UBAP2L: variants seen among roughly 807,000 people sequenced by gnomAD.
UBAP2L encodes ubiquitin associated protein 2 like, also known as ubiquitin-associated protein 2-like.
UBAP2L carries 12 observed loss-of-function variants against 130.6 expected under a neutral mutation model. The observed-to-expected ratio is 0.09, with a 90% CI of 0.06 to 0.15. The LOEUF is 0.15. Among genes scored for constraint, UBAP2L ranks in the 10% least tolerant of loss-of-function variants. The pLI, the probability that UBAP2L is intolerant of heterozygous loss-of-function variation, is 1.00. For missense variants in UBAP2L, 965 were observed against 1,332.5 expected (o/e 0.72, Z 4.29); for synonymous variants, 503 against 524.7 (o/e 0.96, Z 0.57).
chr1:154,245,462 C>G (rs1176758808), intron 10 of UBAP2L, among the ~76,000 whole-genome samples: 1 of 152,162 alleles, frequency 6.6e-6, no homozygotes, highest in African/African-American at 2.4e-5. Flanking sequence ...GAAAAAATAT[C>G]TCTCAGACTG....
At chr1:154,224,707 G>A (rs1357263478) in intron 1 of UBAP2L, among the ~76,000 whole-genome samples, 1 of 152,136 alleles carries the variant, frequency 6.6e-6, no homozygotes, top group African/African-American at 2.4e-5. Flanking sequence ...CTTCCTGGAA[G>A]GTTTTTGTTT....
At position 154,260,853 on chromosome 1, in the gene UBAP2L, G is replaced by T. The variant is rs375686726; in HGVS notation, c.2579-39G>T. On this transcript the variant is annotated intron_variant, in intron 22 of 26. Coordinates refer to ENST00000428931, the MANE Select transcript of UBAP2L (RefSeq NM_014847.4). Reference sequence around the variant, plus strand: ...AGAGGTAATTCTGTATTGGTATTGGGGTGAAAGAGGCAGGTACATTTAGCT... The same window carrying T: ...AGAGGTAATTCTGTATTGGTATTGGTGTGAAAGAGGCAGGTACATTTAGCT... 1.9e-6 allele frequency: 3 copies of T among 1,590,818 alleles called. No homozygotes were observed. In the African/African-American group the frequency reaches 4.0e-5, roughly 21 times the overall value.
At chr1:154,225,550 G>A (rs1667635056) in intron 2 of UBAP2L, among the ~76,000 whole-genome samples, 1 of 151,624 alleles carries the variant, frequency 6.6e-6, no homozygotes, top group Non-Finnish European at 1.5e-5. Context: ...TTCATTTGTA[G>A]CCTCAACCTC....
chr1:154,220,489 G>GCCTGGGTCC (rs1318061216), upstream of UBAP2L: 1 of 1,528,744 alleles, frequency 6.5e-7, no homozygotes, highest in Non-Finnish European at 9.1e-7. Context: ...AAGCGACGGC[G>GCCTGGGTCC]CCTGGGTCCC....
intron 10 of UBAP2L, 38 bp from the exon 11 acceptor site, chr1:154,246,165 CA>C: frequency 2.0e-6 from 1 of 489,610 alleles, no homozygotes; most frequent in Middle Eastern, 8.1e-4. Context: ...TTAGCGTGTT[CA>C]GTCATTCTTC....
intron 3 of UBAP2L, among the ~76,000 whole-genome samples, chr1:154,227,744 C>T (rs1319723132): frequency 1.3e-5 from 2 of 151,830 alleles, no homozygotes; most frequent in African/African-American, 2.4e-5. Context: ...GATGGGGTTT[C>T]ACCATGTTGG....
Position 154,251,188 on chromosome 1 carries a change from C to A in UBAP2L, c.1361C>A (p.Ser454Tyr), listed in dbSNP as rs780876809. The A allele has an allele frequency of 1.9e-6, 3 of 1,614,058 alleles. No homozygotes were observed. Among genetic ancestry groups the A allele is most frequent in the Non-Finnish European group, 2.5e-6 (3 of 1,180,040 alleles). The change falls in exon 13 of 27, where the codon TCT becomes TAT. Residue 454 changes from serine to tyrosine, a missense_variant. Coordinates refer to ENST00000428931, the MANE Select transcript of UBAP2L (RefSeq NM_014847.4). ...TSTAAPPPPS[S>Y]PLPSKSTSAP... ...ACAGCTGCACCTCCACCTCCGTCTT[C>A]TCCTCTGCCAAGCAAATCCACATCG...
At chr1:154,254,936 A>C in intron 16 of UBAP2L, 46 bp downstream of exon 16, 1 of 1,575,790 alleles carries the variant, frequency 6.3e-7, no homozygotes, top group Non-Finnish European at 8.6e-7. Flanking sequence ...CTGGTTTTCT[A>C]TCTTAAAATG....
intron 26 of UBAP2L, chr1:154,269,461 C>G (rs1411128129): frequency 1.6e-6 from 2 of 1,288,668 alleles, no homozygotes; most frequent in East Asian, 5.6e-5. Context: ...TTTTCAGTCC[C>G]CATTTCACCT....
upstream of UBAP2L, chr1:154,220,481 G>A: frequency 1.3e-6 from 2 of 1,570,738 alleles, no homozygotes; most frequent in East Asian, 2.2e-5. Context: ...CTCCGCCGAA[G>A]CGACGGCGCC....
intron 12 of UBAP2L, 74 bp downstream of exon 12, chr1:154,249,511 G>GGTGGAGAA: frequency 2.5e-6 from 4 of 1,581,338 alleles, no homozygotes; most frequent in Non-Finnish European, 3.5e-6. Flanking sequence ...AGGGGGAGGG[G>GGTGGAGAA]GTGGAGAATG....
intron 8 of UBAP2L, among the ~76,000 whole-genome samples, chr1:154,240,889 A>C (rs1210924797): frequency 1.3e-5 from 2 of 151,380 alleles, no homozygotes; most frequent in Non-Finnish European, 2.9e-5. Context: ...AATCAACCTG[A>C]GGACCTTAAA....
chr1:154,239,705 C>T (rs1289817864), intron 8 of UBAP2L, among the ~76,000 whole-genome samples: 6 of 152,294 alleles, frequency 3.9e-5, no homozygotes, highest in East Asian at 3.9e-4. Flanking sequence ...AAAATTCTTG[C>T]ATCAAGAGCC....
chr1:154,226,340 T>C (rs919725957), intron 2 of UBAP2L, among the ~76,000 whole-genome samples: 1 of 152,250 alleles, frequency 6.6e-6, no homozygotes, highest in African/African-American at 2.4e-5. Context: ...ACCTCTTGGA[T>C]ATTAACTTTG....
At chr1:154,250,842 C>T (rs1484248775) in intron 12 of UBAP2L, among the ~76,000 whole-genome samples, 199 bp from the exon 13 acceptor site, 2 of 132,188 alleles carry the variant, frequency 1.5e-5, no homozygotes, top group African/African-American at 3.0e-5. Flanking sequence ...GCAAGACTCC[C>T]ATCTCAAAAA....
chr1:154,237,709 C>A (rs565296115), intron 8 of UBAP2L, among the ~76,000 whole-genome samples: 1 of 152,254 alleles, frequency 6.6e-6, no homozygotes, highest in African/African-American at 2.4e-5. Flanking sequence ...ATTTCGAAAT[C>A]TCTCTAGCCT....
chr1:154,267,831 T>C (rs1159827511), intron 25 of UBAP2L, among the ~76,000 whole-genome samples: 1 of 150,346 alleles, frequency 6.7e-6, no homozygotes, highest in Non-Finnish European at 1.5e-5. Context: ...TGTTCACATA[T>C]GACATTCAGT....
chr1:154,232,672 G>A (rs1045585652), intron 4 of UBAP2L, among the ~76,000 whole-genome samples: 3 of 152,064 alleles, frequency 2.0e-5, no homozygotes, highest in East Asian at 1.9e-4. Flanking sequence ...TCAGGGCTGC[G>A]ACTGTCGTTT....
At chr1:154,237,636 CTGAGA>C (rs1378104845) in intron 8 of UBAP2L, among the ~76,000 whole-genome samples, 1 of 152,202 alleles carries the variant, frequency 6.6e-6, no homozygotes, top group Non-Finnish European at 1.5e-5. Context: ...TTTTCTGTTA[CTGAGA>C]TAAGAATATC....
Sources: gnomAD v4.1 joint callset for allele counts (sites outside exome capture counted in the v4.1 genomes callset) on GRCh38, gnomAD v4.1.1 for gene constraint, MANE v1.5 for transcripts, NCBI Gene and HGNC (gene_info 2026-07-23, HGNC 2026-07-21) for gene names.